The following LMTK2 variants were observed in gnomAD, a reference collection of about 807,000 sequenced individuals.
The protein encoded by LMTK2 is serine/threonine-protein kinase LMTK2.
A neutral mutation model predicts 127.5 loss-of-function variants in LMTK2; 37 were observed. The ratio of observed to expected loss-of-function variants is 0.29; its 90% CI spans 0.22 to 0.38. The LOEUF (loss-of-function observed/expected upper bound fraction) is 0.38, where lower values mean the gene tolerates loss of function less well. Ranked by LOEUF, LMTK2 falls within the 10% of genes least tolerant of loss-of-function variation. The probability of loss-of-function intolerance (pLI) is 1.00; values close to 1 mark genes in which losing one functional copy is unlikely to be tolerated. For synonymous variants in LMTK2, 819 were observed against 810.1 expected (o/e 1.01, Z -0.19); for missense variants, 1,694 against 1,920.3 (o/e 0.88, Z 2.20).
intron 1 of LMTK2, among the ~76,000 whole-genome samples, chr7:98,134,185 C>T (rs11761896): frequency 0.2 from 30,991 of 152,078 alleles, 3,439 homozygotes; most frequent in South Asian, 0.38. Flanking sequence ...TGGAGCTGGT[C>T]GTATTACCTC....
In LMTK2 at chr7:98,177,038, C is replaced by T. The variant is rs115448897; in HGVS notation, c.791+5364C>T. Among the ~76,000 whole-genome samples the T allele has an allele frequency of 7.1e-3, 887 of 124,846 alleles. 9 individuals are homozygous for T. Among genetic ancestry groups the T allele is most frequent in the African/African-American group, 0.025 (825 of 33,110 alleles). The allele number at this position is 124,846 out of a possible 152,430, so 81.9% of individuals were successfully genotyped here. A position where few individuals can be genotyped will look rare whatever the true frequency, so the allele number is the denominator to read the frequency against. On this transcript the variant is annotated intron_variant, in intron 7 of 13. Coordinates refer to ENST00000297293, the MANE Select transcript of LMTK2 (RefSeq NM_014916.4). Reference sequence around the variant, plus strand: ...GATTCAAAGCTACACCGTCTGCCTCCAGATTTCACACTGTTAACCACCGAG... The same window carrying T: ...GATTCAAAGCTACACCGTCTGCCTCTAGATTTCACACTGTTAACCACCGAG...
chr7:98,145,120 A>G (rs1394321754), intron 3 of LMTK2, among the ~76,000 whole-genome samples: 1 of 152,182 alleles, frequency 6.6e-6, no homozygotes, highest in African/African-American at 2.4e-5. Context: ...TCTTCCTGCC[A>G]GTTGGGTATC....
chr7:98,139,078 C>T (rs1489221926), intron 2 of LMTK2, among the ~76,000 whole-genome samples: 6 of 152,168 alleles, frequency 3.9e-5, no homozygotes, highest in African/African-American at 1.4e-4. Context: ...GACATTCATC[C>T]AGATAGCCAG....
chr7:98,173,416 C>T (rs1035832299), intron 7 of LMTK2, among the ~76,000 whole-genome samples: 8 of 151,914 alleles, frequency 5.3e-5, no homozygotes, highest in African/African-American at 1.7e-4. Context: ...CTACATTTAG[C>T]TTTTGATGTC....
intron 2 of LMTK2, among the ~76,000 whole-genome samples, chr7:98,139,908 G>A (rs1796651247): frequency 6.6e-6 from 1 of 152,084 alleles, no homozygotes; most frequent in Non-Finnish European, 1.5e-5. Context: ...TATGGTGCCT[G>A]GAGGGCTAAT....
Position 98,137,347 on chromosome 7 carries a change from T to C in LMTK2, c.136T>C (p.Ser46Pro). 2 of 1,613,430 alleles carry C rather than the reference T, an allele frequency of 1.2e-6. No homozygotes were observed. The highest frequency in any genetic ancestry group is 1.7e-6 in the Non-Finnish European group (2 of 1,179,786). ...EAPPAAEVSS[S>P]FVILCVCSLI... The stretch of plus-strand genomic sequence containing the variant: ...GCCACCTGCTGCAGAAGTTTCCTCA[T>C]CTTTTGTGATCCTGTGTGTGTGCAG... The change falls in exon 2 of 14, where the codon TCT (serine) becomes CCT (proline). Residue 46 changes from serine to proline, a missense_variant. Around this residue, in one of 8 missense-constraint regions of LMTK2, gnomAD observed 76 missense variants for 82.0 expected, o/e 0.93. Transcript: ENST00000297293.
intron 1 of LMTK2, among the ~76,000 whole-genome samples, chr7:98,110,699 C>T (rs1226936092): frequency 6.6e-6 from 1 of 152,198 alleles, no homozygotes; most frequent in African/African-American, 2.4e-5. Context: ...TCTCTAAGCT[C>T]ACACTTTCTT....
Position 98,185,078 on chromosome 7 carries a change from C to T in LMTK2, c.819C>T (p.Leu273=), listed in dbSNP as rs199512354. The T allele has an allele frequency of 1.6e-5, 26 of 1,612,806 alleles. No homozygotes were observed. In the African/African-American group the frequency reaches 2.5e-4, roughly 16 times the overall value. ...ATTTAGCCCTGCGGAATTGTTTTCT[C>T]ACCTCCGACTTAAATGTGAAAGTGG... ...HSDLALRNCF[L]TSDLNVKVGD... The change falls in exon 8 of 14, where the codon CTC becomes CTT. Residue 273 remains leucine (L), a synonymous_variant. Transcript: ENST00000297293.
At chr7:98,137,975 A>T (rs1796618421) in intron 2 of LMTK2, among the ~76,000 whole-genome samples, 1 of 152,110 alleles carries the variant, frequency 6.6e-6, no homozygotes, top group Non-Finnish European at 1.5e-5. Flanking sequence ...GATCATTGAA[A>T]CCTCAAGTTC....
At chr7:98,111,772 G>A (rs1421736148) in intron 1 of LMTK2, among the ~76,000 whole-genome samples, 1 of 152,202 alleles carries the variant, frequency 6.6e-6, no homozygotes, top group Non-Finnish European at 1.5e-5. Flanking sequence ...AACATGGCAT[G>A]TCTAGAATTT....
At chr7:98,149,442 TGGAAG>T (rs1796820715) in intron 3 of LMTK2, among the ~76,000 whole-genome samples, 1 of 152,240 alleles carries the variant, frequency 6.6e-6, no homozygotes, top group Admixed American at 6.5e-5. Context: ...TAGTGTTTCT[TGGAAG>T]GGACGGCTGC....
chr7:98,108,414 C>A (rs751677101), intron 1 of LMTK2, among the ~76,000 whole-genome samples: 64 of 152,168 alleles, frequency 4.2e-4, no homozygotes, highest in Non-Finnish European at 8.2e-4. Context: ...TCAAACAAAT[C>A]TACGATGAAA....
rs1199482650 is a variant in LMTK2, at chr7:98,208,548, C to T, written c.*3056C>T. The T allele has an allele frequency of 2.6e-5, 4 of 152,180 alleles. No individual in the cohort carries two copies. The highest frequency in any genetic ancestry group is 5.9e-5 in the Non-Finnish European group (4 of 68,034). The allele number at this position is 152,180 out of a possible 1,614,324, so 9.4% of individuals were successfully genotyped here. ...TCTGGCCTTCTATGGGGTAGCAACC[C>T]AGAATCAATCTGAATTAGTCCTGTT... is the stretch of plus-strand genomic sequence containing the variant. On this transcript the variant is annotated 3_prime_UTR_variant, in exon 14 of 14. Coordinates refer to ENST00000297293, the MANE Select transcript of LMTK2 (RefSeq NM_014916.4).
At chr7:98,178,086 A>G (rs1236079397) in intron 7 of LMTK2, among the ~76,000 whole-genome samples, 3 of 152,184 alleles carry the variant, frequency 2.0e-5, no homozygotes, top group East Asian at 1.9e-4. Flanking sequence ...TCGGAGCTCT[A>G]TCTCTTCTAT....
chr7:98,184,919 G>T (rs1002434825), intron 7 of LMTK2, 132 bp from the exon 8 acceptor site: 12 of 599,042 alleles, frequency 2.0e-5, no homozygotes, highest in Non-Finnish European at 3.7e-5. Flanking sequence ...AATTTTGAGA[G>T]GTTAATTCTT....
chr7:98,176,367 A>T (rs1797277200), intron 7 of LMTK2, among the ~76,000 whole-genome samples: 1 of 152,248 alleles, frequency 6.6e-6, no homozygotes, highest in African/African-American at 2.4e-5. Flanking sequence ...TAATAGCAAT[A>T]TCATGCTATT....
At chr7:98,114,325 T>A (rs6943900) in intron 1 of LMTK2, among the ~76,000 whole-genome samples, 149,683 of 151,190 alleles carry the variant, frequency 0.99, 74,118 homozygotes, top group Middle Eastern at 1. Context: ...CTGCAGTCTC[T>A]ACTTCTTGGG....
Position 98,192,400 on chromosome 7 carries a change from G to T in LMTK2, c.1935G>T (p.Leu645Phe), listed in dbSNP as rs150519116. The change falls in exon 11 of 14, where the codon TTG (leucine) becomes TTT (phenylalanine). Residue 645 changes from leucine to phenylalanine, a missense_variant. Leu to Phe is a conservative substitution (Grantham distance 22). Around this residue, in one of 8 missense-constraint regions of LMTK2, gnomAD observed 527 missense variants for 539.8 expected, o/e 0.98. Transcript: ENST00000297293. Reference protein sequence around the residue: ...IFNDVDKSEDLPSHQKIFDLM... With the variant: ...IFNDVDKSEDFPSHQKIFDLM... ...ATGATGTGGACAAATCGGAAGATTT[G>T]CCCAGTCACCAAAAAATATTCGACT... 1 of 1,610,494 alleles carries T rather than the reference G, an allele frequency of 6.2e-7. No individual in the cohort carries two copies. The highest frequency in any genetic ancestry group is 8.5e-7 in the Non-Finnish European group (1 of 1,179,248).
chr7:98,141,849 C>T (rs534743561), intron 3 of LMTK2, among the ~76,000 whole-genome samples: 224 of 152,296 alleles, frequency 1.5e-3, no homozygotes, highest in African/African-American at 5.3e-3. Flanking sequence ...GTTCTGGCCA[C>T]GGCTGACCTT....
Sources: gnomAD v4.1 joint callset for allele counts (sites outside exome capture counted in the v4.1 genomes callset) on GRCh38, gnomAD v4.1.1 for gene constraint, gnomAD v4.1.1 regional missense constraint, MANE v1.5 for transcripts, NCBI Gene and HGNC (gene_info 2026-07-23, HGNC 2026-07-21) for gene names.